TTF2: variants seen among roughly 807,000 people sequenced by gnomAD.
The protein encoded by TTF2 is RNA polymerase II termination factor.
Under a neutral mutation model 142.4 loss-of-function variants are expected in TTF2, and 108 were observed. The observed-to-expected ratio is 0.76, with a 90% CI of 0.65 to 0.89. The LOEUF (loss-of-function observed/expected upper bound fraction) is 0.89, where lower values mean the gene tolerates loss of function less well. Among genes scored for constraint, TTF2 ranks in the 40% least tolerant of loss-of-function variants. The pLI, the probability that TTF2 is intolerant of heterozygous loss-of-function variation, is 0.00. For synonymous variants in TTF2, 483 were observed against 506.2 expected, an observed-to-expected ratio of 0.95 and a Z score of 0.61; for missense variants, 1,327 against 1,379.8, an observed-to-expected ratio of 0.96 and a Z score of 0.61.
chr1:117,073,561 T>A lies in TTF2; in HGVS notation c.219-100T>A. The A allele has an allele frequency of 8.3e-7, 1 of 1,210,978 alleles. No individual in the cohort carries two copies. Among genetic ancestry groups the A allele is most frequent in the Non-Finnish European group, 1.1e-6 (1 of 871,616 alleles). The allele number at this position is 1,210,978 out of a possible 1,614,324, so 75.0% of individuals were successfully genotyped here. ...TTCAAGTGACCTCCCAAAGCCAGGT[T>A]CAAATAGTTGCAAGATGTTTTCTTG... is the stretch of plus-strand genomic sequence containing the variant. On this transcript the variant is annotated intron_variant, in intron 3 of 22. Coordinates refer to ENST00000369466, the MANE Select transcript of TTF2 (RefSeq NM_003594.4). This position sits in a 1 kb window ranked among gnomAD's most constrained non-coding sequence, Gnocchi z 4.4.
Position 117,073,689 on chromosome 1 carries a change from G to A in TTF2, c.247G>A (p.Ala83Thr). The A allele has an allele frequency of 3.1e-6, 5 of 1,612,440 alleles. No homozygotes were observed. Among genetic ancestry groups the A allele is most frequent in the Non-Finnish European group, 3.4e-6 (4 of 1,178,860 alleles). ...GTTCTTCCGATGCATTAGAAGTAAG[G>A]CAGAGGGGAAACGCTGGTGTGGAAG... ...RLFFRCIRSK[A>T]EGKRWCGSIP... The change falls in exon 4 of 23, where the codon GCA (alanine) becomes ACA (threonine). Residue 83 changes from alanine to threonine, a missense_variant. Coordinates refer to ENST00000369466, the MANE Select transcript of TTF2 (RefSeq NM_003594.4). The surrounding 1 kb of genome is among the most constrained non-coding windows in gnomAD (Gnocchi z 4.4).
chr1:117,076,526 G>A lies in TTF2; in HGVS notation c.1391-115G>A, dbSNP rs1277555946. On this transcript the variant is annotated intron_variant, in intron 6 of 22. Coordinates refer to ENST00000369466, the MANE Select transcript of TTF2 (RefSeq NM_003594.4). The surrounding 1 kb of genome is among the most constrained non-coding windows in gnomAD (Gnocchi z 4.6). ...AACTGTTAAAATGCTACCTTCTCTA[G>A]GAATCCTTCATCGGAATGGTGATGA... The A allele has an allele frequency of 8.2e-7, 1 of 1,213,476 alleles. No individual in the cohort carries two copies. Among genetic ancestry groups the A allele is most frequent in the Non-Finnish European group, 1.1e-6 (1 of 875,470 alleles). 75.2% of individuals were successfully genotyped at this position (1,213,476 alleles called of 1,614,324 possible).
Position 117,106,477 on chromosome 1 carries a change from A to G in TTF2, c.*4953A>G, listed in dbSNP as rs552504173. 1 of 152,356 alleles carries G rather than the reference A, an allele frequency of 6.6e-6. No homozygotes were observed. The highest frequency in any genetic ancestry group is 1.5e-5 in the Non-Finnish European group (1 of 68,030). 9.4% of individuals were successfully genotyped at this position (152,356 alleles called of 1,614,324 possible). The stretch of plus-strand genomic sequence containing the variant: ...TATCCACACAGTAATTCAGAAATGT[A>G]TATTGAACACTTTTTATATGCCAGG... On this transcript the variant is annotated 3_prime_UTR_variant, in exon 23 of 23. Transcript: ENST00000369466.
intron 10 of TTF2, among the ~76,000 whole-genome samples, chr1:117,083,703 T>G (rs1647746540): frequency 6.6e-6 from 1 of 152,218 alleles, no homozygotes; most frequent in African/African-American, 2.4e-5. Flanking sequence ...TGTTTCAGTT[T>G]AAAAGACCAT....
At chr1:117,061,405 G>A (rs1418641661) in intron 2 of TTF2, among the ~76,000 whole-genome samples, 1 of 152,186 alleles carries the variant, frequency 6.6e-6, no homozygotes, top group African/African-American at 2.4e-5. Flanking sequence ...TTTTCTATGT[G>A]AATTTTAAAA....
rs148853734 is a variant in TTF2, at chr1:117,085,529, G to T, written c.2055-888G>T. ...GATCACACCCCTACACTCCAGTCTG[G>T]ATGACCAGGGTAGGTTACTCACCTA... On this transcript the variant is annotated intron_variant, in intron 11 of 22. Coordinates refer to ENST00000369466, the MANE Select transcript of TTF2 (RefSeq NM_003594.4). The surrounding 1 kb of genome is among the most constrained non-coding windows in gnomAD (Gnocchi z 4.7). Among the ~76,000 whole-genome samples, 1 of 152,148 alleles carries T rather than the reference G, an allele frequency of 6.6e-6. No individual in the cohort carries two copies. The highest frequency in any genetic ancestry group is 1.5e-5 in the Non-Finnish European group (1 of 68,018).
intron 3 of TTF2, among the ~76,000 whole-genome samples, chr1:117,062,899 G>A (rs1015010649): frequency 2.6e-5 from 4 of 152,164 alleles, no homozygotes; most frequent in Non-Finnish European, 5.9e-5. Flanking sequence ...CTATAGAGCT[G>A]GGAGATATTT....
In TTF2 at chr1:117,073,901, T is replaced by A. The variant is rs1656782032; in HGVS notation, c.285+174T>A. Among the ~76,000 whole-genome samples, 1 of 152,234 alleles carries A rather than the reference T, an allele frequency of 6.6e-6. No individual in the cohort carries two copies. The highest frequency in any genetic ancestry group is 1.5e-5 in the Non-Finnish European group (1 of 68,038). On this transcript the variant is annotated intron_variant, in intron 4 of 22. Coordinates refer to ENST00000369466, the MANE Select transcript of TTF2 (RefSeq NM_003594.4). The surrounding 1 kb of genome is among the most constrained non-coding windows in gnomAD (Gnocchi z 4.4). ...GTTGGGACTTTTATTCAAAGGATCA[T>A]TTAGTCGTAATCAAGATTAATTATT...
rs1204839445 is a variant in TTF2 at position 117,073,828 on chromosome 1, C to A, written c.285+101C>A. Reference sequence around the variant, plus strand: ...AAGTTCACGTAAATGAGTTGGTCTTCATCAGACTGTCTCCGAAAGATAGTT... The same window carrying A: ...AAGTTCACGTAAATGAGTTGGTCTTAATCAGACTGTCTCCGAAAGATAGTT... On this transcript the variant is annotated intron_variant, in intron 4 of 22. Coordinates refer to ENST00000369466, the MANE Select transcript of TTF2 (RefSeq NM_003594.4). The surrounding 1 kb of genome is among the most constrained non-coding windows in gnomAD (Gnocchi z 4.4). The A allele has an allele frequency of 3.7e-6, 4 of 1,077,474 alleles. No individual in the cohort carries two copies. The highest frequency in any genetic ancestry group is 5.2e-5 in the East Asian group (2 of 38,664). 66.7% of individuals were successfully genotyped at this position (1,077,474 alleles called of 1,614,324 possible).
In TTF2 at chr1:117,079,514, G is replaced by A. The variant is rs2101050656; in HGVS notation, c.1702-54G>A. 6.4e-7 allele frequency: 1 copy of A among 1,555,934 alleles called. No individual in the cohort carries two copies. On this transcript the variant is annotated intron_variant, in intron 8 of 22. Transcript: ENST00000369466. The surrounding 1 kb of genome is among the most constrained non-coding windows in gnomAD (Gnocchi z 4.2). ...TGTAGAGTTCGTGTAGCCAGGCTCGGCATAGCCTCTCATTAGGAATTTATG... is the reference window on the plus strand; with the variant it reads ...TGTAGAGTTCGTGTAGCCAGGCTCGACATAGCCTCTCATTAGGAATTTATG...
At chr1:117,083,115 G>A (rs924014820) in intron 10 of TTF2, among the ~76,000 whole-genome samples, 5 of 151,956 alleles carry the variant, frequency 3.3e-5, no homozygotes, top group East Asian at 3.9e-4. Context: ...GGTGGCAGGC[G>A]CCTGTAGTCC....
rs575786715 is a variant in TTF2 at position 117,088,463 on chromosome 1, G to A, written c.2161-338G>A. On this transcript the variant is annotated intron_variant, in intron 12 of 22. Transcript: ENST00000369466. ...GAGGCAGGAGAATGGCGTGAAGCCC[G>A]GAGGCGGAGCTTGCAGTGAGCCGAG... Among the ~76,000 whole-genome samples the A allele has an allele frequency of 4.6e-5, 7 of 152,256 alleles. No homozygotes were observed. The East Asian group carries it at 5.8e-4, about 13-fold the overall frequency.
intron 21 of TTF2, chr1:117,098,531 C>T (rs2101237896): frequency 4.1e-6 from 1 of 245,822 alleles, no homozygotes; most frequent in South Asian, 8.0e-5. Context: ...CAGTCTGACC[C>T]TAGTTTCTCA....
In TTF2 at chr1:117,079,006, G is replaced by GAGGC. The variant is rs534062454; in HGVS notation, c.1702-555_1702-552dup. Among the ~76,000 whole-genome samples the GAGGC allele has an allele frequency of 2.4e-3, 369 of 152,286 alleles. No homozygotes were observed. The highest frequency in any genetic ancestry group is 8.6e-3 in the African/African-American group (357 of 41,548). ...TATAATCCCAGCACTTTCGGAGGCC[G>GAGGC]AGGCAGGCAGATCACTTGAGGCCAG... On this transcript the variant is annotated intron_variant, in intron 8 of 22. Coordinates refer to ENST00000369466, the MANE Select transcript of TTF2 (RefSeq NM_003594.4). The surrounding 1 kb of genome is among the most constrained non-coding windows in gnomAD (Gnocchi z 4.2).
rs375604276 is a variant in TTF2, at chr1:117,075,225, G to A, written c.641G>A (p.Arg214Lys). 9 of 1,614,112 alleles carry A rather than the reference G, an allele frequency of 5.6e-6. No individual in the cohort carries two copies. In the African/African-American group the frequency reaches 1.1e-4, roughly 19 times the overall value. Residue 214 changes from arginine (R) to lysine (K), a missense_variant, in exon 5 of 23, where the codon AGA (arginine) becomes AAA (lysine). Physicochemically the swap from Arg to Lys is conservative, Grantham distance 26 (BLOSUM62 2). Transcript: ENST00000369466. The surrounding 1 kb of genome is among the most constrained non-coding windows in gnomAD (Gnocchi z 4.5). Reference sequence around the variant, plus strand: ...GCAGAGACTGGAGGCACACACAAAAGAGACTTTTCTGAAATTAAATCTCAA... The same window carrying A: ...GCAGAGACTGGAGGCACACACAAAAAAGACTTTTCTGAAATTAAATCTCAA... ...CEAETGGTHK[R>K]DFSEIKSQQC...
chr1:117,089,810 T>C (rs1321276717), intron 13 of TTF2, among the ~76,000 whole-genome samples: 1 of 152,172 alleles, frequency 6.6e-6, no homozygotes, highest in Non-Finnish European at 1.5e-5. Flanking sequence ...GTTATATGTC[T>C]TGTTGTGACA....
chr1:117,080,651 C>T lies in TTF2; in HGVS notation c.1783+1002C>T, dbSNP rs1020969747. ...CACTATGGCTAGTAAGTGACTGTGT[C>T]AGTGGTCCTCAAAACCACCCCCAGG... On this transcript the variant is annotated intron_variant, in intron 9 of 22. Coordinates refer to ENST00000369466, the MANE Select transcript of TTF2 (RefSeq NM_003594.4). The surrounding 1 kb of genome is among the most constrained non-coding windows in gnomAD (Gnocchi z 4.3). Among the ~76,000 whole-genome samples the T allele has an allele frequency of 1.6e-4, 24 of 152,272 alleles. No homozygotes were observed. Among genetic ancestry groups the T allele is most frequent in the African/African-American group, 5.3e-4 (22 of 41,556 alleles).
chr1:117,079,536 T>C lies in TTF2; in HGVS notation c.1702-32T>C, dbSNP rs1049295481. Reference sequence around the variant, plus strand: ...TCGGCATAGCCTCTCATTAGGAATTTATGCTTAGCATTTGGTTATTACCTT... The same window carrying C: ...TCGGCATAGCCTCTCATTAGGAATTCATGCTTAGCATTTGGTTATTACCTT... On this transcript the variant is annotated intron_variant, in intron 8 of 22. Transcript: ENST00000369466. The surrounding 1 kb of genome is among the most constrained non-coding windows in gnomAD (Gnocchi z 4.2). 35 of 1,610,032 alleles carry C rather than the reference T, an allele frequency of 2.2e-5. No homozygotes were observed. The highest frequency in any genetic ancestry group is 2.5e-5 in the Non-Finnish European group (29 of 1,176,366).
At position 117,086,305 on chromosome 1, in the gene TTF2, C is replaced by G. The variant is rs1261074446; in HGVS notation, c.2055-112C>G. ...TGTTAAGGACACAAGTTAATGAGTT[C>G]TGCTGTTTGTCCTTCCATTTGTAGG... On this transcript the variant is annotated intron_variant, in intron 11 of 22. Coordinates refer to ENST00000369466, the MANE Select transcript of TTF2 (RefSeq NM_003594.4). This position sits in a 1 kb window ranked among gnomAD's most constrained non-coding sequence, Gnocchi z 4.2. The G allele has an allele frequency of 5.8e-6, 4 of 686,154 alleles. No homozygotes were observed. In the East Asian group the frequency reaches 8.0e-5, roughly 14 times the overall value. The allele number at this position is 686,154 out of a possible 1,614,324, so 42.5% of individuals were successfully genotyped here.
Sources: gnomAD v4.1 joint callset for allele counts (sites outside exome capture counted in the v4.1 genomes callset) on GRCh38, gnomAD v4.1.1 for gene constraint, Gnocchi (gnomAD v3.1) non-coding constraint, MANE v1.5 for transcripts, NCBI Gene and HGNC (gene_info 2026-07-23, HGNC 2026-07-21) for gene names.